The following XYLT1 variants were observed in gnomAD, a reference collection of about 807,000 sequenced individuals.
The protein encoded by XYLT1 is xylosyltransferase 1, also known as beta-D-xylosyltransferase 1.
XYLT1 carries 36 observed loss-of-function variants against 91.3 expected under a neutral mutation model. That is an observed-to-expected ratio of 0.39 (90% CI 0.30 to 0.52). The LOEUF is 0.52. Among genes scored for constraint, XYLT1 ranks in the 20% least tolerant of loss-of-function variants. The pLI, the probability that XYLT1 is intolerant of heterozygous loss-of-function variation, is 0.68. For missense variants in XYLT1, 1,242 were observed against 1,284.5 expected, an observed-to-expected ratio of 0.97 and a Z score of 0.51; for synonymous variants, 588 against 532.0, an observed-to-expected ratio of 1.11 and a Z score of -1.45.
At chr16:17,459,823 T>A (rs2036792519) in intron 1 of XYLT1, among the ~76,000 whole-genome samples, 2 of 152,140 alleles carry the variant, frequency 1.3e-5, no homozygotes, top group African/African-American at 2.4e-5. Context: ...CCCCAACCAG[T>A]ATCTGATGAA....
At chr16:17,151,824 T>G (rs963471273) in intron 6 of XYLT1, among the ~76,000 whole-genome samples, 1 of 152,200 alleles carries the variant, frequency 6.6e-6, no homozygotes, top group African/African-American at 2.4e-5. Flanking sequence ...ATACCACTTC[T>G]GACCTGGGGC....
At chr16:17,381,476 T>C (rs752160199) in intron 1 of XYLT1, among the ~76,000 whole-genome samples, 18 of 51,434 alleles carry the variant, frequency 3.5e-4, no homozygotes, top group Non-Finnish European at 7.4e-4. Context: ...CCAAGCTGGA[T>C]TGGAGCGCAG....
At chr16:17,373,335 G>T (rs1007740631) in intron 1 of XYLT1, among the ~76,000 whole-genome samples, 1 of 152,164 alleles carries the variant, frequency 6.6e-6, no homozygotes, top group Non-Finnish European at 1.5e-5. Context: ...CACCTACTAT[G>T]TGCCTCAACC....
At chr16:17,158,124 T>C (rs1209050528) in intron 6 of XYLT1, among the ~76,000 whole-genome samples, 5 of 152,256 alleles carry the variant, frequency 3.3e-5, no homozygotes, top group Non-Finnish European at 7.3e-5. Flanking sequence ...ACTGTATCCC[T>C]TCCAGTTGAT....
chr16:17,281,400 C>G (rs2034056927), intron 2 of XYLT1, among the ~76,000 whole-genome samples: 1 of 152,166 alleles, frequency 6.6e-6, no homozygotes, highest in Non-Finnish European at 1.5e-5. Context: ...CTGCTCCCAC[C>G]ATCTGTAAAC....
rs138120241 is a variant in XYLT1, at chr16:17,398,818, G to GCCAC, written c.364-40769_364-40768insGTGG. 2.6e-4 allele frequency among the ~76,000 whole-genome samples: 22 copies of GCCAC among 84,792 alleles called. 1 individual carries two copies. The highest frequency in any genetic ancestry group is 8.7e-4 in the African/African-American group (19 of 21,870). The allele number at this position is 84,792 out of a possible 152,430, so 55.6% of individuals were successfully genotyped here. On this transcript the variant is annotated intron_variant, in intron 1 of 11. Coordinates refer to ENST00000261381, the MANE Select transcript of XYLT1 (RefSeq NM_022166.4). ...TGCATGGCTATGTCCAAATGTCCCC[G>GCCAC]CCCCCCCCCACTGTTTTTTTGTTTT...
intron 9 of XYLT1, among the ~76,000 whole-genome samples, chr16:17,129,616 C>A (rs933230711): frequency 1.3e-5 from 2 of 152,122 alleles, no homozygotes; most frequent in African/African-American, 4.8e-5. Flanking sequence ...TGTTTGGTTG[C>A]ATGAGTAAGT....
chr16:17,177,373 G>A (rs960093181), intron 5 of XYLT1, among the ~76,000 whole-genome samples: 1 of 152,120 alleles, frequency 6.6e-6, no homozygotes, highest in Admixed American at 6.5e-5. Context: ...AGAAGAGAAG[G>A]GGTGATATGC....
intron 1 of XYLT1, among the ~76,000 whole-genome samples, chr16:17,437,507 G>A (rs943776837): frequency 6.6e-6 from 1 of 152,142 alleles, no homozygotes; most frequent in Non-Finnish European, 1.5e-5. Context: ...AAGCCAATGT[G>A]CACGATGTCA....
At chr16:17,311,086 T>G (rs1479689403) in intron 2 of XYLT1, among the ~76,000 whole-genome samples, 3 of 152,160 alleles carry the variant, frequency 2.0e-5, no homozygotes, top group African/African-American at 7.2e-5. Flanking sequence ...TTCCTTGCCT[T>G]CAGCCCAGGA....
chr16:17,154,470 G>C (rs1311137036), intron 6 of XYLT1, among the ~76,000 whole-genome samples: 5 of 152,210 alleles, frequency 3.3e-5, no homozygotes, highest in Non-Finnish European at 7.4e-5. Flanking sequence ...ACAGGTTTCA[G>C]AGATTTGAAA....
intron 3 of XYLT1, among the ~76,000 whole-genome samples, chr16:17,207,052 C>CTTT (rs1211378641): frequency 0.08 from 9,701 of 120,700 alleles, 474 homozygotes; most frequent in African/African-American, 0.11. Context: ...TCTTTTCTTT[C>CTTT]TTTTTTTTTT....
At chr16:17,444,907 C>T (rs1211017000) in intron 1 of XYLT1, among the ~76,000 whole-genome samples, 1 of 152,142 alleles carries the variant, frequency 6.6e-6, no homozygotes, top group Admixed American at 6.5e-5. Flanking sequence ...TGATGTGTCC[C>T]TAGAACCTAG....
intron 5 of XYLT1, among the ~76,000 whole-genome samples, chr16:17,170,375 T>C (rs184391909): frequency 6.6e-6 from 1 of 152,338 alleles, no homozygotes; most frequent in Admixed American, 6.5e-5. Context: ...GTTCCCCAAC[T>C]GTCCAGCACA....
intron 9 of XYLT1, among the ~76,000 whole-genome samples, chr16:17,132,025 T>C (rs2030501642): frequency 7.3e-5 from 1 of 13,748 alleles, no homozygotes; most frequent in South Asian, 9.4e-4. Context: ...AAATGAATAC[T>C]AGGGAGCAAC....
At chr16:17,402,068 G>A (rs1392877160) in intron 1 of XYLT1, among the ~76,000 whole-genome samples, 6 of 151,956 alleles carry the variant, frequency 3.9e-5, no homozygotes, top group Non-Finnish European at 8.8e-5. Context: ...GGAGGCTGAG[G>A]CAGGTGAATA....
At chr16:17,306,381 C>T (rs1265762817) in intron 2 of XYLT1, among the ~76,000 whole-genome samples, 1 of 152,088 alleles carries the variant, frequency 6.6e-6, no homozygotes, top group Admixed American at 6.6e-5. Flanking sequence ...CAGTGGCTCA[C>T]GCCTGTAATC....
chr16:17,216,836 T>G (rs1394888763), intron 3 of XYLT1, among the ~76,000 whole-genome samples: 2 of 152,226 alleles, frequency 1.3e-5, no homozygotes, highest in Admixed American at 6.5e-5. Context: ...TCTTGAAATA[T>G]AAGGACTACA....
At chr16:17,352,859 T>C (rs532714639) in intron 2 of XYLT1, among the ~76,000 whole-genome samples, 1 of 152,372 alleles carries the variant, frequency 6.6e-6, no homozygotes, top group Admixed American at 6.5e-5. Flanking sequence ...TGTTTTTCTC[T>C]GCTGTATCTT....
Sources: gnomAD v4.1 joint callset for allele counts (sites outside exome capture counted in the v4.1 genomes callset) on GRCh38, gnomAD v4.1.1 for gene constraint, MANE v1.5 for transcripts, NCBI Gene and HGNC (gene_info 2026-07-23, HGNC 2026-07-21) for gene names.